The following REV3L variants were observed in gnomAD, a reference collection of about 807,000 sequenced individuals.
REV3L encodes REV3 like, DNA directed polymerase zeta catalytic subunit.
A neutral mutation model predicts 299.4 loss-of-function variants in REV3L; 69 were observed. That is an observed-to-expected ratio of 0.23 (90% confidence interval 0.19 to 0.28). The LOEUF (loss-of-function observed/expected upper bound fraction) is 0.28, where lower values mean the gene tolerates loss of function less well. REV3L is among the 10% of genes least tolerant of loss of function. REV3L has a pLI of 1.00. For synonymous variants in REV3L, 1,238 were observed against 1,271.4 expected (o/e 0.97, Z 0.56); for missense variants, 3,128 against 3,693.8 (o/e 0.85, Z 3.97).
chr6:111,365,316 C>T lies in REV3L; in HGVS notation c.6702G>A (p.Lys2234=). ...TAAGAGTGTCAGTATTACTTCCTTT[C>T]TTATTACTCAACTTCTGTGTTTTTG... is the stretch of plus-strand genomic sequence containing the variant. ...TEPKTQKLSN[K]KGSNTDTLRR... Residue 2234 remains lysine (K), a synonymous_variant, in exon 15 of 32, where the codon AAG becomes AAA. Transcript: ENST00000368802. The T allele has an allele frequency of 6.3e-7, 1 of 1,575,544 alleles. No individual in the cohort carries two copies. Among genetic ancestry groups the T allele is most frequent in the South Asian group, 1.2e-5 (1 of 83,760 alleles).
intron 31 of REV3L, among the ~76,000 whole-genome samples, chr6:111,303,161 C>CTTTTTTTT (rs1192743753): frequency 4.7e-4 from 26 of 55,532 alleles, no homozygotes; most frequent in Admixed American, 1.5e-3. Flanking sequence ...GCTTTCTTTT[C>CTTTTTTTT]TTTCTTTTTT....
chr6:111,440,298 A>G (rs1230116823), intron 1 of REV3L, among the ~76,000 whole-genome samples: 1 of 152,124 alleles, frequency 6.6e-6, no homozygotes, highest in African/African-American at 2.4e-5. Flanking sequence ...CAAACTCCCA[A>G]CCTCAGGTGA....
At chr6:111,404,425 C>T (rs1474024150) in intron 4 of REV3L, among the ~76,000 whole-genome samples, 2 of 152,226 alleles carry the variant, frequency 1.3e-5, no homozygotes, top group African/African-American at 4.8e-5. Flanking sequence ...TCCCTGCCTG[C>T]TAACACAACA....
At chr6:111,426,104 G>C (rs916810400) in intron 1 of REV3L, among the ~76,000 whole-genome samples, 1 of 152,154 alleles carries the variant, frequency 6.6e-6, no homozygotes, top group African/African-American at 2.4e-5. Context: ...AGGGAGCCTA[G>C]GGACTCCATT....
intron 1 of REV3L, among the ~76,000 whole-genome samples, chr6:111,440,995 G>GT (rs1788201171): frequency 6.6e-6 from 1 of 152,086 alleles, no homozygotes; most frequent in African/African-American, 2.4e-5. Flanking sequence ...AGTAAGGTGG[G>GT]TTTTTTCGCC....
chr6:111,393,459 A>G (rs947006528), intron 4 of REV3L, among the ~76,000 whole-genome samples: 2 of 152,226 alleles, frequency 1.3e-5, no homozygotes, highest in African/African-American at 2.4e-5. Flanking sequence ...CAAGGTACTT[A>G]GGATGCCATC....
At chr6:111,435,935 A>G (rs1787498291) in intron 1 of REV3L, among the ~76,000 whole-genome samples, 1 of 152,226 alleles carries the variant, frequency 6.6e-6, no homozygotes, top group African/African-American at 2.4e-5. Flanking sequence ...ACCAAAATAT[A>G]TAAGGAGCTC....
At chr6:111,309,607 G>A (rs1056539541) in intron 30 of REV3L, 1 of 344,472 alleles carries the variant, frequency 2.9e-6, no homozygotes, top group African/African-American at 2.1e-5. Context: ...TTGGAAAATG[G>A]TAACATTTGG....
intron 1 of REV3L, among the ~76,000 whole-genome samples, chr6:111,467,945 G>A (rs7758483): frequency 0.94 from 143,740 of 152,254 alleles, 67,886 homozygotes; most frequent in East Asian, 1. Context: ...TGAAATTAAC[G>A]AGACTCAAAG....
intron 1 of REV3L, among the ~76,000 whole-genome samples, chr6:111,467,233 A>C (rs1208525083): frequency 6.6e-6 from 1 of 152,260 alleles, no homozygotes; most frequent in Non-Finnish European, 1.5e-5. Context: ...TTTTATACAA[A>C]AGTCAAGGGA....
At chr6:111,300,994 A>G (rs1464245404) in intron 31 of REV3L, among the ~76,000 whole-genome samples, 3 of 152,220 alleles carry the variant, frequency 2.0e-5, no homozygotes, top group Admixed American at 6.5e-5. Context: ...CTTCTTTCAG[A>G]AAGCGAATAG....
chr6:111,446,427 C>T (rs1053834601), intron 1 of REV3L, among the ~76,000 whole-genome samples: 2 of 152,102 alleles, frequency 1.3e-5, no homozygotes, highest in Non-Finnish European at 2.9e-5. Context: ...CAGCTGGGCA[C>T]GGTGGCTGGC....
At chr6:111,393,125 C>T (rs919525104) in intron 4 of REV3L, among the ~76,000 whole-genome samples, 153 bp from the exon 5 acceptor site, 4 of 151,930 alleles carry the variant, frequency 2.6e-5, no homozygotes, top group Non-Finnish European at 5.9e-5. Flanking sequence ...GCAAGCTCCA[C>T]CTCCCAGGTT....
chr6:111,423,830 T>C (rs1785855026), intron 1 of REV3L, among the ~76,000 whole-genome samples: 1 of 152,206 alleles, frequency 6.6e-6, no homozygotes, highest in African/African-American at 2.4e-5. Context: ...ACTCTTATTT[T>C]TGGCTTAGGC....
At chr6:111,315,164 A>AC in intron 27 of REV3L, 103 bp downstream of exon 27, 1 of 919,696 alleles carries the variant, frequency 1.1e-6, no homozygotes, top group East Asian at 2.7e-5. Flanking sequence ...ACTTTAATAG[A>AC]CCCGTATACT....
intron 21 of REV3L, among the ~76,000 whole-genome samples, chr6:111,336,133 G>A (rs1320007339): frequency 6.6e-6 from 1 of 151,364 alleles, no homozygotes; most frequent in African/African-American, 2.4e-5. Context: ...ATAATACATG[G>A]GTTAAACATA....
intron 9 of REV3L, among the ~76,000 whole-genome samples, chr6:111,384,150 T>TAA (rs935221374): frequency 6.6e-6 from 1 of 152,136 alleles, no homozygotes; most frequent in African/African-American, 2.4e-5. Flanking sequence ...ATGAAAATAC[T>TAA]AAAAGAAAAC....
At position 111,363,873 on chromosome 6, in the gene REV3L, C is replaced by G. The variant is rs1562185922; in HGVS notation, c.6859G>C (p.Glu2287Gln). 6.2e-7 allele frequency: 1 copy of G among 1,613,248 alleles called. No homozygotes were observed. Among genetic ancestry groups the G allele is most frequent in the Admixed American group, 1.7e-5 (1 of 59,974 alleles). Residue 2287 changes from glutamate to glutamine, a missense_variant, in exon 16 of 32, where the codon GAG (glutamate) becomes CAG (glutamine). Around this residue, in one of 9 missense-constraint regions of REV3L, gnomAD observed 2,409 missense variants for 2,611.8 expected, o/e 0.92. Transcript: ENST00000368802. ...TTTACCTCATGTAAAGCTTTTGCCTCCTGTAAGTTTTGTATGCTGACTTTG... is the reference window on the plus strand; with the variant it reads ...TTTACCTCATGTAAAGCTTTTGCCTGCTGTAAGTTTTGTATGCTGACTTTG... ...GFKVSIQNLQ[E>Q]AKALHEIQNL... is the part of the protein sequence containing the mutation.
chr6:111,398,944 A>T (rs1319625641), intron 4 of REV3L, among the ~76,000 whole-genome samples: 1 of 152,176 alleles, frequency 6.6e-6, no homozygotes, highest in Non-Finnish European at 1.5e-5. Context: ...TGAAAGTAAC[A>T]GCAAAAGCTG....
Sources: allele counts gnomAD v4.1 joint callset (sites outside exome capture counted in the v4.1 genomes callset), GRCh38; gene constraint gnomAD v4.1.1; regional missense constraint gnomAD v4.1.1; transcripts MANE v1.5; gene names NCBI Gene and HGNC (gene_info 2026-07-23, HGNC 2026-07-21).